Variants in ANKS1B observed in about 807,000 individuals in gnomAD.
The protein encoded by ANKS1B is ankyrin repeat and sterile alpha motif domain containing 1B.
In ANKS1B, 36 loss-of-function variants were observed where a neutral mutation model predicts 148.3. The observed-to-expected ratio is 0.24, with a 90% confidence interval of 0.19 to 0.32. The LOEUF (loss-of-function observed/expected upper bound fraction) is 0.32, where lower values mean the gene tolerates loss of function less well. ANKS1B is among the 10% of genes least tolerant of loss of function. The probability of loss-of-function intolerance (pLI) is 1.00; values close to 1 mark genes in which losing one functional copy is unlikely to be tolerated. For synonymous variants in ANKS1B, 542 were observed against 560.8 expected, an observed-to-expected ratio of 0.97 and a Z score of 0.47; for missense variants, 1,157 against 1,542.6, an observed-to-expected ratio of 0.75 and a Z score of 4.19.
At chr12:99,963,743 G>C (rs2095447803) in intron 1 of ANKS1B, among the ~76,000 whole-genome samples, 1 of 152,070 alleles carries the variant, frequency 6.6e-6, no homozygotes, top group African/African-American at 2.4e-5. Flanking sequence ...TACTGTCCTG[G>C]TTCATTTGAA....
chr12:99,318,069 G>A (rs1485815997), intron 12 of ANKS1B, among the ~76,000 whole-genome samples: 1 of 152,222 alleles, frequency 6.6e-6, no homozygotes, highest in East Asian at 1.9e-4. Context: ...TGGTTTGCCA[G>A]TATTTTATTG....
At chr12:99,893,824 C>A (rs1405809399) in intron 1 of ANKS1B, among the ~76,000 whole-genome samples, 1 of 152,024 alleles carries the variant, frequency 6.6e-6, no homozygotes, top group African/African-American at 2.4e-5. Flanking sequence ...TTATTTTGTC[C>A]TTTTTTATGG....
At chr12:99,316,621 C>T (rs1040607908) in intron 12 of ANKS1B, among the ~76,000 whole-genome samples, 2 of 151,986 alleles carry the variant, frequency 1.3e-5, no homozygotes, top group Non-Finnish European at 1.5e-5. Context: ...TTGTAGGTTT[C>T]CTGTTCACTC....
intron 10 of ANKS1B, among the ~76,000 whole-genome samples, chr12:99,451,087 G>T (rs2095725909): frequency 6.6e-6 from 1 of 152,126 alleles, no homozygotes; most frequent in South Asian, 2.1e-4. Flanking sequence ...TGATAAAAAG[G>T]AAATGAGGCA....
intron 10 of ANKS1B, among the ~76,000 whole-genome samples, chr12:99,502,173 C>T (rs1358530172): frequency 2.6e-5 from 4 of 152,110 alleles, no homozygotes; most frequent in Non-Finnish European, 4.4e-5. Flanking sequence ...ACCCTCTGTG[C>T]CCCAATTAAA....
chr12:99,863,203 C>G (rs2090266584), intron 1 of ANKS1B, among the ~76,000 whole-genome samples: 2 of 152,118 alleles, frequency 1.3e-5, no homozygotes. Flanking sequence ...TGACCTCTCT[C>G]CAAAGTCCAA....
intron 10 of ANKS1B, among the ~76,000 whole-genome samples, chr12:99,468,225 T>C (rs2096168109): frequency 6.6e-6 from 1 of 152,176 alleles, no homozygotes; most frequent in African/African-American, 2.4e-5. Flanking sequence ...CTGGGAAAAC[T>C]GGCTAGCCAT....
At chr12:99,824,882 G>T (rs1352990444) in intron 2 of ANKS1B, among the ~76,000 whole-genome samples, 3 of 152,156 alleles carry the variant, frequency 2.0e-5, no homozygotes, top group Non-Finnish European at 4.4e-5. Flanking sequence ...TTCTGAAGTG[G>T]TTCATATAAG....
At chr12:98,816,760 A>G (rs376949102) in intron 19 of ANKS1B, among the ~76,000 whole-genome samples, 9 of 152,126 alleles carry the variant, frequency 5.9e-5, no homozygotes, top group East Asian at 5.8e-4. Flanking sequence ...TGGCATGAAA[A>G]TTGCTTTCTC....
At chr12:99,569,907 G>C (rs555778850) in intron 9 of ANKS1B, among the ~76,000 whole-genome samples, 2 of 151,996 alleles carry the variant, frequency 1.3e-5, no homozygotes, top group African/African-American at 2.4e-5. Flanking sequence ...TAAGCCCTCC[G>C]ATATCCTAGT....
intron 1 of ANKS1B, among the ~76,000 whole-genome samples, chr12:99,929,333 T>C (rs1014573952): frequency 1.3e-5 from 2 of 152,206 alleles, no homozygotes; most frequent in Admixed American, 6.5e-5. Context: ...CGCCCACTTG[T>C]TGATGGGGTG....
chr12:98,796,681 T>C (rs1024926780), intron 22 of ANKS1B, among the ~76,000 whole-genome samples: 3 of 152,204 alleles, frequency 2.0e-5, no homozygotes, highest in African/African-American at 7.2e-5. Context: ...GGGTTTATGA[T>C]AGTCCGAGAA....
chr12:99,059,495 C>T (rs1198441980), intron 16 of ANKS1B, among the ~76,000 whole-genome samples: 4 of 152,088 alleles, frequency 2.6e-5, no homozygotes, highest in Non-Finnish European at 5.9e-5. Flanking sequence ...TTTAAAACCT[C>T]CATATATCAA....
chr12:99,485,006 TA>T (rs1057059001), intron 10 of ANKS1B, among the ~76,000 whole-genome samples: 30 of 152,124 alleles, frequency 2.0e-4, no homozygotes, highest in African/African-American at 7.0e-4. Flanking sequence ...GTGGAGCATT[TA>T]GGCCATTTAC....
At chr12:99,100,003 T>C (rs1256850369) in intron 15 of ANKS1B, 1 of 152,206 alleles carries the variant, frequency 6.6e-6, no homozygotes, top group African/African-American at 2.4e-5. Flanking sequence ...TGGTCCTTGC[T>C]TCACTTCACA....
In ANKS1B at chr12:99,054,016, G is replaced by C. The variant is rs770865827; in HGVS notation, c.2626-707C>G. Among the ~76,000 whole-genome samples, 38 of 152,238 alleles carry C rather than the reference G, an allele frequency of 2.5e-4. 1 individual carries two copies. Among genetic ancestry groups the C allele is most frequent in the Admixed American group, 6.5e-5 (1 of 15,282 alleles). On this transcript the variant is annotated intron_variant, in intron 16 of 26. Transcript: ENST00000683438. Reference sequence around the variant, plus strand: ...ATAATGTTTCTGAGTTTAAATTGGAGTGTGAAAGTAATTTAAGCAAGAGGA... The same window carrying C: ...ATAATGTTTCTGAGTTTAAATTGGACTGTGAAAGTAATTTAAGCAAGAGGA...
At chr12:99,052,275 A>G (rs1197190759) in intron 17 of ANKS1B, among the ~76,000 whole-genome samples, 1 of 152,266 alleles carries the variant, frequency 6.6e-6, no homozygotes, top group Admixed American at 6.5e-5. Flanking sequence ...TATGTTGGCC[A>G]GTTTTTATAG....
chr12:99,803,275 A>ACT (rs1555620504), intron 4 of ANKS1B, among the ~76,000 whole-genome samples: 3 of 89,890 alleles, frequency 3.3e-5, no homozygotes, highest in African/African-American at 1.2e-4. Context: ...TTAAATATTC[A>ACT]CCCCCCCCCA....
At chr12:99,253,546 TG>T (rs1217961985) in intron 12 of ANKS1B, among the ~76,000 whole-genome samples, 1 of 151,802 alleles carries the variant, frequency 6.6e-6, no homozygotes, top group Non-Finnish European at 1.5e-5. Context: ...TCATTAAACG[TG>T]GGAAACAAAA....
Sources: gnomAD v4.1 joint callset for allele counts (sites outside exome capture counted in the v4.1 genomes callset) on GRCh38, gnomAD v4.1.1 for gene constraint, MANE v1.5 for transcripts, NCBI Gene and HGNC (gene_info 2026-07-23, HGNC 2026-07-21) for gene names.